Variants in PTPRK observed in about 807,000 individuals in gnomAD.
PTPRK encodes the protein protein tyrosine phosphatase receptor type K.
A neutral mutation model predicts 178.0 loss-of-function variants in PTPRK; 75 were observed. The observed-to-expected ratio is 0.42, with a 90% CI of 0.35 to 0.51. PTPRK has a LOEUF of 0.51. Among genes scored for constraint, PTPRK ranks in the 20% least tolerant of loss-of-function variants. The pLI is 0.02. For synonymous variants in PTPRK, 637 were observed against 620.6 expected (o/e 1.03, Z -0.39); for missense variants, 1,441 against 1,797.8 (o/e 0.80, Z 3.59).
At chr6:128,459,285 A>C (rs1167530286) in intron 1 of PTPRK, among the ~76,000 whole-genome samples, 1 of 152,178 alleles carries the variant, frequency 6.6e-6, no homozygotes, top group Non-Finnish European at 1.5e-5. Flanking sequence ...AACTTGGCAA[A>C]GTTCATTATA....
chr6:128,025,038 TTG>T (rs2114775143), intron 13 of PTPRK, among the ~76,000 whole-genome samples: 1 of 152,358 alleles, frequency 6.6e-6, no homozygotes, highest in East Asian at 1.9e-4. Context: ...TACAACAAGT[TTG>T]TCTTTGACAT....
At chr6:127,999,015 A>G in intron 15 of PTPRK, 111 bp from the exon 16 acceptor site, 2 of 951,718 alleles carry the variant, frequency 2.1e-6, no homozygotes, top group Non-Finnish European at 3.0e-6. Flanking sequence ...TGATAACAAG[A>G]GGAATTCTGG....
rs71028124 is a variant in PTPRK at position 128,476,887 on chromosome 6, T to TAA, written c.100+43370_100+43371dup. Among the ~76,000 whole-genome samples, 313 of 146,454 alleles carry TAA rather than the reference T, an allele frequency of 2.1e-3. 2 individuals carry two copies. The highest frequency in any genetic ancestry group is 3.1e-3 in the Non-Finnish European group (204 of 66,266). On this transcript the variant is annotated intron_variant, in intron 1 of 29. Coordinates refer to ENST00000368226, the MANE Select transcript of PTPRK (RefSeq NM_002844.4). Reference sequence around the variant, plus strand: ...ATGGGTACTTTCTAAACTGCTTTTCTAAAAAAAAAAAATCAATCTTGAGAG... The same window carrying TAA: ...ATGGGTACTTTCTAAACTGCTTTTCTAAAAAAAAAAAAAATCAATCTTGAGAG...
At chr6:128,257,658 A>G (rs1020517308) in intron 3 of PTPRK, among the ~76,000 whole-genome samples, 2 of 152,206 alleles carry the variant, frequency 1.3e-5, no homozygotes, top group African/African-American at 2.4e-5. Flanking sequence ...CCAAAATGCA[A>G]TAACAAGTGT....
At chr6:128,161,542 A>T (rs1230937356) in intron 7 of PTPRK, among the ~76,000 whole-genome samples, 1 of 151,606 alleles carries the variant, frequency 6.6e-6, no homozygotes, top group Non-Finnish European at 1.5e-5. Context: ...AACCATTCAA[A>T]CTTGTTTAGT....
intron 1 of PTPRK, among the ~76,000 whole-genome samples, chr6:128,518,021 T>G (rs964482231): frequency 6.6e-6 from 1 of 152,130 alleles, no homozygotes; most frequent in South Asian, 2.1e-4. Context: ...ATCAAATGAT[T>G]TATGGTAGCC....
At chr6:128,038,019 T>C (rs1776515176) in intron 13 of PTPRK, among the ~76,000 whole-genome samples, 1 of 152,188 alleles carries the variant, frequency 6.6e-6, no homozygotes, top group Non-Finnish European at 1.5e-5. Context: ...CAAAAAACAG[T>C]ATATATAGCT....
At chr6:128,415,993 T>C (rs1264683544) in intron 1 of PTPRK, among the ~76,000 whole-genome samples, 1 of 152,146 alleles carries the variant, frequency 6.6e-6, no homozygotes, top group Non-Finnish European at 1.5e-5. Context: ...CAGTAAAGAA[T>C]TTAATTCAAT....
At chr6:128,032,953 A>G (rs892152179) in intron 13 of PTPRK, among the ~76,000 whole-genome samples, 1 of 152,154 alleles carries the variant, frequency 6.6e-6, no homozygotes, top group Non-Finnish European at 1.5e-5. Context: ...CATTTTTGGT[A>G]ACCCAGAGGT....
chr6:128,311,659 C>G (rs1357669669), intron 3 of PTPRK, among the ~76,000 whole-genome samples: 1 of 151,888 alleles, frequency 6.6e-6, no homozygotes, highest in African/African-American at 2.4e-5. Context: ...ATTTTCATGC[C>G]CACCATAGTA....
intron 3 of PTPRK, among the ~76,000 whole-genome samples, chr6:128,294,270 A>C (rs1027613744): frequency 6.6e-6 from 1 of 152,202 alleles, no homozygotes; most frequent in East Asian, 1.9e-4. Flanking sequence ...CCTGGTGCTA[A>C]GAATCAGTCT....
At chr6:128,370,438 A>G (rs1836113519) in intron 2 of PTPRK, among the ~76,000 whole-genome samples, 1 of 152,136 alleles carries the variant, frequency 6.6e-6, no homozygotes, top group Non-Finnish European at 1.5e-5. Context: ...TTTCCTAAAT[A>G]AAATATTTCT....
intron 10 of PTPRK, among the ~76,000 whole-genome samples, chr6:128,079,800 A>G (rs1784492379): frequency 6.6e-6 from 1 of 152,116 alleles, no homozygotes; most frequent in African/African-American, 2.4e-5. Context: ...GAGTCTTACA[A>G]ACAAAAAATT....
intron 2 of PTPRK, chr6:128,340,744 G>T: frequency 2.2e-6 from 1 of 453,020 alleles, no homozygotes; most frequent in South Asian, 1.8e-5. Context: ...TTTAAGAGTG[G>T]CAAATAGGTA....
chr6:128,353,389 A>G (rs984778148), intron 2 of PTPRK, among the ~76,000 whole-genome samples: 4 of 152,252 alleles, frequency 2.6e-5, no homozygotes, highest in Non-Finnish European at 5.9e-5. Context: ...ATAAAAATTT[A>G]TGTTCACACA....
chr6:128,419,772 G>T (rs1843270469), intron 1 of PTPRK, among the ~76,000 whole-genome samples: 1 of 152,154 alleles, frequency 6.6e-6, no homozygotes, highest in East Asian at 1.9e-4. Context: ...CCGATTCTGG[G>T]GTTGAAGAGG....
At chr6:128,155,901 T>C (rs979756265) in intron 7 of PTPRK, among the ~76,000 whole-genome samples, 4 of 151,868 alleles carry the variant, frequency 2.6e-5, no homozygotes, top group Non-Finnish European at 4.4e-5. Context: ...AATTAAAAAG[T>C]GCAAGATCAG....
At chr6:128,419,152 T>G (rs1387996728) in intron 1 of PTPRK, among the ~76,000 whole-genome samples, 1 of 152,234 alleles carries the variant, frequency 6.6e-6, no homozygotes, top group Non-Finnish European at 1.5e-5. Context: ...TTTTACCACA[T>G]GATGTCTACA....
intron 1 of PTPRK, among the ~76,000 whole-genome samples, chr6:128,433,714 G>A (rs571822588): frequency 7.3e-5 from 11 of 151,370 alleles, no homozygotes; most frequent in South Asian, 2.1e-4. Context: ...ACAGGGTTTC[G>A]CCATGTTGCC....
Sources: allele counts gnomAD v4.1 joint callset (sites outside exome capture counted in the v4.1 genomes callset), GRCh38; gene constraint gnomAD v4.1.1; transcripts MANE v1.5; gene names NCBI Gene and HGNC (gene_info 2026-07-23, HGNC 2026-07-21).